TAF2: variants seen among roughly 807,000 people sequenced by gnomAD.
TAF2 encodes TATA-box binding protein associated factor 2.
Under a neutral mutation model 138.5 loss-of-function variants are expected in TAF2, and 61 were observed. That is an observed-to-expected ratio of 0.44 (90% CI 0.36 to 0.54). The LOEUF (loss-of-function observed/expected upper bound fraction) is 0.54. Among genes scored for constraint, TAF2 ranks in the 20% least tolerant of loss-of-function variants. The probability of loss-of-function intolerance (pLI) is 0.00; values close to 1 mark genes in which losing one functional copy is unlikely to be tolerated. For missense variants in TAF2, 1,090 were observed against 1,427.9 expected, an observed-to-expected ratio of 0.76 and a Z score of 3.81; for synonymous variants, 475 against 469.9, an observed-to-expected ratio of 1.01 and a Z score of -0.14.
rs1445761446 is a variant in TAF2, at chr8:119,744,847, C to G, written c.3109-454G>C. 16 of 453,092 alleles carry G rather than the reference C, an allele frequency of 3.5e-5. 1 individual carries two copies. Among genetic ancestry groups the G allele is most frequent in the South Asian group, 2.5e-4 (16 of 63,790 alleles). The allele number at this position is 453,092 out of a possible 1,614,324, so 28.1% of individuals were successfully genotyped here. A position where few individuals can be genotyped will look rare whatever the true frequency, so the allele number is the denominator to read the frequency against. ...GATTTACAAGAAGGTGAATATCCTA[C>G]ACTGTTAATACAGGTTTAACCTGTA... On this transcript the variant is annotated intron_variant, in intron 23 of 25. Transcript: ENST00000378164.
At chr8:119,829,212 T>C (rs1011965717) in intron 2 of TAF2, among the ~76,000 whole-genome samples, 3 of 152,240 alleles carry the variant, frequency 2.0e-5, no homozygotes, top group Admixed American at 6.5e-5. Context: ...CTGGCTGGGT[T>C]GGTCCAACAG....
chr8:119,788,286 C>A, intron 14 of TAF2, 52 bp downstream of exon 14: 2 of 1,497,346 alleles, frequency 1.3e-6, no homozygotes, highest in Non-Finnish European at 1.9e-6. Flanking sequence ...GCATTTTAGT[C>A]TGTGAGATTT....
In TAF2 at chr8:119,744,396, A is replaced by G. The variant is rs748760167; in HGVS notation, c.3109-3T>C. On this transcript the variant is annotated splice_polypyrimidine_tract_variant and splice_region_variant and intron_variant, in intron 23 of 25. Transcript: ENST00000378164. ...TCCTCATCTTGAGAACTGGAAAACT[A>G]AAACACACACACATAAAACAGAGGA... The G allele has an allele frequency of 6.2e-6, 10 of 1,609,378 alleles. No homozygotes were observed. The Admixed American group carries it at 1.0e-4, about 16-fold the overall frequency.
chr8:119,781,264 T>C, intron 16 of TAF2, 71 bp from the exon 17 acceptor site: 1 of 1,563,922 alleles, frequency 6.4e-7, no homozygotes. Context: ...AACAGCTTCT[T>C]AAAAGTTATC....
At chr8:119,763,876 C>A (rs985127766) in intron 18 of TAF2, among the ~76,000 whole-genome samples, 42 of 146,058 alleles carry the variant, frequency 2.9e-4, no homozygotes, top group African/African-American at 1.0e-3. Flanking sequence ...ATAGGCTGGG[C>A]GTGGTGGCTC....
At chr8:119,797,434 ATAT>A (rs1823907590) in intron 7 of TAF2, among the ~76,000 whole-genome samples, 1 of 150,552 alleles carries the variant, frequency 6.6e-6, no homozygotes, top group Admixed American at 6.6e-5. Flanking sequence ...GAAAATACTA[ATAT>A]TAGTTAATTC....
Position 119,782,754 on chromosome 8 carries a change from T to C in TAF2, c.2112+627A>G, listed in dbSNP as rs569569907. On this transcript the variant is annotated intron_variant, in intron 16 of 25. Coordinates refer to ENST00000378164, the MANE Select transcript of TAF2 (RefSeq NM_003184.4). ...CTTAATTAACTTTTCTAGAATATTA[T>C]AGTCTACCATTCTAAGTTACTTATC... Among the ~76,000 whole-genome samples, 16 of 152,340 alleles carry C rather than the reference T, an allele frequency of 1.1e-4. 1 individual carries two copies. The South Asian group carries it at 1.9e-3, about 18-fold the overall frequency.
intron 18 of TAF2, among the ~76,000 whole-genome samples, chr8:119,776,701 C>G (rs1280786098): frequency 6.6e-6 from 1 of 151,984 alleles, no homozygotes; most frequent in Non-Finnish European, 1.5e-5. Flanking sequence ...AAAAAAGTTT[C>G]ATCAATTTGA....
chr8:119,764,613 T>C (rs560651257), intron 18 of TAF2, among the ~76,000 whole-genome samples: 7 of 152,314 alleles, frequency 4.6e-5, no homozygotes, highest in African/African-American at 1.7e-4. Context: ...GACTCTCAAT[T>C]TCTGTGTCTT....
intron 3 of TAF2, among the ~76,000 whole-genome samples, chr8:119,818,957 A>C (rs1029818088): frequency 2.0e-5 from 3 of 152,166 alleles, no homozygotes; most frequent in African/African-American, 7.2e-5. Flanking sequence ...CTACTTTCTA[A>C]AACTTTTTTA....
Position 119,762,448 on chromosome 8 carries a change from A to C in TAF2, c.2525T>G (p.Leu842Arg). 5.6e-6 allele frequency: 9 copies of C among 1,613,992 alleles called. No homozygotes were observed. The highest frequency in any genetic ancestry group is 7.6e-6 in the Non-Finnish European group (9 of 1,179,916). Reference protein sequence around the residue: ...EITRFLNMEKLLPSYRHTITV... With the variant: ...EITRFLNMEKRLPSYRHTITV... ...GATGGTATGCCTGTAACTCGGAAGAAGTTTTTCCATATTCAAAAATCTGGT... is the reference window on the plus strand; with the variant it reads ...GATGGTATGCCTGTAACTCGGAAGACGTTTTTCCATATTCAAAAATCTGGT... The change falls in exon 19 of 26, where the codon CTT (leucine) becomes CGT (arginine). Residue 842 changes from leucine (L) to arginine (R), a missense_variant. By Grantham distance (102) the Leu-to-Arg change is moderately radical. This residue lies in a region of TAF2 where 580 missense variants were observed against 719.6 expected (regional missense o/e 0.81). Coordinates refer to ENST00000378164, the MANE Select transcript of TAF2 (RefSeq NM_003184.4).
Position 119,801,323 on chromosome 8 carries a change from A to T in TAF2, c.792+471T>A, listed in dbSNP as rs566796682. 2.7e-3 allele frequency among the ~76,000 whole-genome samples: 408 copies of T among 152,334 alleles called. 1 individual carries two copies. The highest frequency in any genetic ancestry group is 4.9e-3 in the Non-Finnish European group (334 of 68,034). ...AAATACAACATTTTGAAAGAAATTC[A>T]TTCAAGAATTCACATCATTATATAT... On this transcript the variant is annotated intron_variant, in intron 6 of 25. Transcript: ENST00000378164.
chr8:119,808,439 A>C (rs1243382844), intron 3 of TAF2, among the ~76,000 whole-genome samples: 1 of 152,094 alleles, frequency 6.6e-6, no homozygotes, highest in Non-Finnish European at 1.5e-5. Context: ...AAACCCCTCA[A>C]AGTCATCCAT....
chr8:119,735,313 T>C (rs1159371122), intron 25 of TAF2, among the ~76,000 whole-genome samples: 1 of 152,158 alleles, frequency 6.6e-6, no homozygotes, highest in Non-Finnish European at 1.5e-5. Context: ...GCTTGCTAAA[T>C]GAATGAATGA....
intron 25 of TAF2, among the ~76,000 whole-genome samples, chr8:119,736,173 C>A (rs1449473695): frequency 1.3e-5 from 2 of 152,200 alleles, no homozygotes; most frequent in Non-Finnish European, 2.9e-5. Context: ...AGAATACTTA[C>A]AACCACTTCA....
intron 16 of TAF2, among the ~76,000 whole-genome samples, chr8:119,781,702 T>C (rs1023152274): frequency 1.3e-5 from 2 of 148,392 alleles, no homozygotes; most frequent in Non-Finnish European, 3.0e-5. Flanking sequence ...TTTTTCCTCT[T>C]TTTTTTTTTT....
intron 25 of TAF2, among the ~76,000 whole-genome samples, chr8:119,733,784 C>T (rs1273272541): frequency 6.6e-6 from 1 of 151,888 alleles, no homozygotes; most frequent in Non-Finnish European, 1.5e-5. Flanking sequence ...AAATCCGCCC[C>T]CCCCCATCCT....
intron 11 of TAF2, 31 bp from the exon 12 acceptor site, chr8:119,789,777 T>C (rs1823287864): frequency 6.3e-7 from 1 of 1,599,186 alleles, no homozygotes; most frequent in African/African-American, 1.3e-5. Flanking sequence ...AGTAAATTCA[T>C]ATAACAGATT....
At chr8:119,816,548 TTC>T (rs1825490591) in intron 3 of TAF2, among the ~76,000 whole-genome samples, 1 of 152,230 alleles carries the variant, frequency 6.6e-6, no homozygotes, top group Non-Finnish European at 1.5e-5. Context: ...TATATTTAAT[TTC>T]TGTTTTAGCT....
Sources: allele counts gnomAD v4.1 joint callset (sites outside exome capture counted in the v4.1 genomes callset), GRCh38; gene constraint gnomAD v4.1.1; regional missense constraint gnomAD v4.1.1; transcripts MANE v1.5; gene names NCBI Gene and HGNC (gene_info 2026-07-23, HGNC 2026-07-21).